DAB1: variants seen among roughly 807,000 people sequenced by gnomAD.
DAB1 encodes the protein disabled homolog 1.
In DAB1, 15 loss-of-function variants were observed where a neutral mutation model predicts 64.6. The ratio of observed to expected loss-of-function variants is 0.23; its 90% CI spans 0.16 to 0.36. DAB1 has a LOEUF of 0.36. DAB1 is among the 10% of genes least tolerant of loss of function. DAB1 has a pLI of 1.00. For synonymous variants in DAB1, 235 were observed against 251.9 expected, an observed-to-expected ratio of 0.93 and a Z score of 0.64; for missense variants, 596 against 706.7, an observed-to-expected ratio of 0.84 and a Z score of 1.78.
At chr1:57,144,367 T>C (rs1658902972) in intron 3 of DAB1, among the ~76,000 whole-genome samples, 1 of 152,090 alleles carries the variant, frequency 6.6e-6, no homozygotes. Context: ...TTTAAGGATG[T>C]TTAATAAAAT....
chr1:58,487,701 T>C (rs977802359), intron 3 of DAB1, among the ~76,000 whole-genome samples: 2 of 152,002 alleles, frequency 1.3e-5, no homozygotes, highest in Non-Finnish European at 2.9e-5. Context: ...ATTTAGTAAT[T>C]TGTAATTTGT....
chr1:58,246,780 G>A (rs1660554648), intron 4 of DAB1, among the ~76,000 whole-genome samples: 1 of 152,248 alleles, frequency 6.6e-6, no homozygotes, highest in South Asian at 2.1e-4. Context: ...GTGAAATTGT[G>A]TGTGAGTGGT....
intron 3 of DAB1, among the ~76,000 whole-genome samples, chr1:58,410,921 C>T (rs952437022): frequency 2.0e-5 from 3 of 152,198 alleles, no homozygotes; most frequent in Admixed American, 6.5e-5. Context: ...AGAGTTATTT[C>T]CCCAAAGCAC....
chr1:57,160,591 C>T (rs1014757992), intron 2 of DAB1, among the ~76,000 whole-genome samples: 4 of 152,170 alleles, frequency 2.6e-5, no homozygotes, highest in Middle Eastern at 3.4e-3. Flanking sequence ...TGGTGCTGCA[C>T]GGATGAAGGC....
intron 5 of DAB1, among the ~76,000 whole-genome samples, chr1:57,970,901 A>G (rs1645781105): frequency 6.6e-6 from 1 of 152,220 alleles, no homozygotes; most frequent in Non-Finnish European, 1.5e-5. Context: ...TTGACTATGT[A>G]GATTGAAAAT....
intron 6 of DAB1, among the ~76,000 whole-genome samples, chr1:57,726,102 G>A (rs1386131937): frequency 1.3e-5 from 2 of 152,224 alleles, no homozygotes; most frequent in Non-Finnish European, 2.9e-5. Flanking sequence ...CCTGGGCCAT[G>A]TTCTAGTTCT....
intron 7 of DAB1, among the ~76,000 whole-genome samples, chr1:57,429,486 G>A (rs2101111734): frequency 6.6e-6 from 1 of 152,120 alleles, no homozygotes; most frequent in African/African-American, 2.4e-5. Flanking sequence ...AAAAAGTTTT[G>A]AGTTTGATGT....
chr1:57,360,539 C>G (rs1239223833), intron 1 of DAB1, among the ~76,000 whole-genome samples: 1 of 152,076 alleles, frequency 6.6e-6, no homozygotes, highest in Non-Finnish European at 1.5e-5. Context: ...AATTAATGTG[C>G]TTTTCTTCCT....
At chr1:58,179,888 T>C (rs1656681282) in intron 4 of DAB1, among the ~76,000 whole-genome samples, 1 of 152,012 alleles carries the variant, frequency 6.6e-6, no homozygotes, top group South Asian at 2.1e-4. Flanking sequence ...TTCTACATCA[T>C]TGAATTCAGC....
intron 7 of DAB1, among the ~76,000 whole-genome samples, chr1:57,636,542 G>A (rs1183055325): frequency 1.3e-5 from 2 of 152,220 alleles, no homozygotes; most frequent in Non-Finnish European, 1.5e-5. Flanking sequence ...GATGAACAGC[G>A]ATAGTGGCTT....
chr1:57,614,864 CTTTCTTTTTTT>C (rs1645771113), intron 7 of DAB1, among the ~76,000 whole-genome samples: 1 of 114,930 alleles, frequency 8.7e-6, no homozygotes, highest in South Asian at 2.9e-4. Context: ...TTCTTTCTTT[CTTTCTTTTTTT>C]TTTTTTTTTT....
chr1:58,304,607 A>G (rs1340948981), intron 4 of DAB1, among the ~76,000 whole-genome samples: 1 of 152,228 alleles, frequency 6.6e-6, no homozygotes, highest in Non-Finnish European at 1.5e-5. Flanking sequence ...GCAGCAGTAC[A>G]GAACATTTAT....
At position 57,243,548 on chromosome 1, in the gene DAB1, G is replaced by A. The variant is rs758814727; in HGVS notation, c.67+47416C>T. On this transcript the variant is annotated intron_variant, in intron 2 of 14. Transcript: ENST00000371236. ...TCAATTATGCTCAAACCCACAGCCC[G>A]GACTCCCTACCCTCTTGTTCACTCT... 7.9e-5 allele frequency among the ~76,000 whole-genome samples: 12 copies of A among 152,154 alleles called. No individual in the cohort carries two copies. In the East Asian group the frequency reaches 1.4e-3, roughly 17 times the overall value.
At chr1:57,769,140 T>A (rs1269437775) in intron 6 of DAB1, among the ~76,000 whole-genome samples, 3 of 152,152 alleles carry the variant, frequency 2.0e-5, no homozygotes, top group Non-Finnish European at 4.4e-5. Flanking sequence ...ACATGCTCCG[T>A]GGGCTATTAA....
At position 57,910,860 on chromosome 1, in the gene DAB1, G is replaced by A. The variant is rs142353591; in HGVS notation, n.388-26698C>T. On this transcript the variant is annotated intron_variant and non_coding_transcript_variant, in intron 5 of 20. Coordinates refer to the DAB1 transcript ENST00000485760. Reference sequence around the variant, plus strand: ...TTTGGATCTCCTCATTACTTAGGAGGTGTGTGATGGTGTGTAAGTCACTTC... The same window carrying A: ...TTTGGATCTCCTCATTACTTAGGAGATGTGTGATGGTGTGTAAGTCACTTC... Among the ~76,000 whole-genome samples, 143 of 152,326 alleles carry A rather than the reference G, an allele frequency of 9.4e-4. No homozygotes were observed. In the Middle Eastern group the frequency reaches 0.01, roughly 11 times the overall value.
intron 1 of DAB1, among the ~76,000 whole-genome samples, chr1:57,334,021 G>C (rs1676884416): frequency 6.6e-6 from 1 of 152,152 alleles, no homozygotes; most frequent in Non-Finnish European, 1.5e-5. Context: ...AGGTATTTGG[G>C]GGAAAGGGAA....
At chr1:57,757,330 T>C (rs562982676) in intron 6 of DAB1, among the ~76,000 whole-genome samples, 1 of 151,886 alleles carries the variant, frequency 6.6e-6, no homozygotes, top group South Asian at 2.1e-4. Flanking sequence ...GTAGGAGTTT[T>C]CTAGGGCTGC....
intron 6 of DAB1, among the ~76,000 whole-genome samples, chr1:57,661,110 T>C (rs1256018198): frequency 6.6e-6 from 1 of 152,078 alleles, no homozygotes; most frequent in Non-Finnish European, 1.5e-5. Flanking sequence ...ATGAGACTTC[T>C]GGCCTTGGAT....
intron 4 of DAB1, among the ~76,000 whole-genome samples, chr1:58,301,038 G>A (rs1310308111): frequency 6.6e-6 from 1 of 152,090 alleles, no homozygotes; most frequent in Non-Finnish European, 1.5e-5. Context: ...AGGCTACTTA[G>A]TGGCCATGAA....
Sources: allele counts gnomAD v4.1 joint callset (sites outside exome capture counted in the v4.1 genomes callset), GRCh38; gene constraint gnomAD v4.1.1; transcripts MANE v1.5; gene names NCBI Gene and HGNC (gene_info 2026-07-23, HGNC 2026-07-21).